The following ANKRD6 variants were observed in gnomAD, a reference collection of about 807,000 sequenced individuals.
The protein encoded by ANKRD6 is ankyrin repeat domain 6.
ANKRD6 carries 56 observed loss-of-function variants against 82.3 expected under a neutral mutation model. That is an observed-to-expected ratio of 0.68 (90% CI 0.55 to 0.85). The LOEUF is 0.85. Ranked by LOEUF, ANKRD6 falls within the 40% of genes least tolerant of loss-of-function variation. The pLI, the probability that ANKRD6 is intolerant of heterozygous loss-of-function variation, is 0.00. For synonymous variants in ANKRD6, 347 were observed against 352.1 expected (o/e 0.99, Z 0.16); for missense variants, 852 against 907.6 (o/e 0.94, Z 0.79).
At chr6:89,607,709 G>A (rs937664438) in intron 5 of ANKRD6, among the ~76,000 whole-genome samples, 10 of 147,694 alleles carry the variant, frequency 6.8e-5, no homozygotes, top group African/African-American at 2.5e-4. Flanking sequence ...AGGCTGGAGT[G>A]CAATGGCACA....
At chr6:89,541,959 T>C (rs1784496938) in intron 1 of ANKRD6, among the ~76,000 whole-genome samples, 1 of 151,986 alleles carries the variant, frequency 6.6e-6, no homozygotes, top group Non-Finnish European at 1.5e-5. Context: ...GTGTATAGCT[T>C]TCCTAATTTT....
chr6:89,532,634 C>T (rs1428267338), intron 1 of ANKRD6, among the ~76,000 whole-genome samples: 1 of 152,174 alleles, frequency 6.6e-6, no homozygotes, highest in African/African-American at 2.4e-5. Flanking sequence ...CTGACACTTC[C>T]CTGCTGCTCA....
intron 3 of ANKRD6, chr6:89,597,977 G>T (rs113913280): frequency 2.9e-4 from 115 of 394,016 alleles, no homozygotes; most frequent in African/African-American, 2.1e-3. Flanking sequence ...GTCCTTTAAA[G>T]AATCTAGGAG....
intron 13 of ANKRD6, among the ~76,000 whole-genome samples, chr6:89,626,049 GT>G (rs1374348549): frequency 6.6e-6 from 1 of 152,042 alleles, no homozygotes. Context: ...TTTTAAAAAA[GT>G]TTTTGCCAAA....
chr6:89,622,230 G>A (rs751303699), intron 10 of ANKRD6, among the ~76,000 whole-genome samples: 19 of 152,198 alleles, frequency 1.2e-4, no homozygotes, highest in South Asian at 4.2e-4. Context: ...ATGTGCCTCC[G>A]TGTGCGCTGC....
rs908606505 is a variant in ANKRD6 at position 89,438,636 on chromosome 6, G to A, written c.-144+5261G>A. Among the ~76,000 whole-genome samples the A allele has an allele frequency of 3.3e-5, 5 of 152,086 alleles. 1 individual carries two copies. Among genetic ancestry groups the A allele is most frequent in the South Asian group, 4.1e-4 (2 of 4,826 alleles). ...GTCAATTAAGTGTAACTGCCTTTATGTAATTTATTTCTAACTTTTTTTTTT... is the reference window on the plus strand; with the variant it reads ...GTCAATTAAGTGTAACTGCCTTTATATAATTTATTTCTAACTTTTTTTTTT... On this transcript the variant is annotated intron_variant, in intron 1 of 15. Transcript: ENST00000339746.
intron 1 of ANKRD6, among the ~76,000 whole-genome samples, chr6:89,518,382 A>G (rs1448304093): frequency 6.6e-6 from 1 of 151,828 alleles, no homozygotes; most frequent in East Asian, 1.9e-4. Flanking sequence ...ACCCTGGGCA[A>G]CAAGAGTAAG....
chr6:89,437,766 A>C (rs1055917561), intron 1 of ANKRD6, among the ~76,000 whole-genome samples: 2 of 152,218 alleles, frequency 1.3e-5, no homozygotes, highest in Non-Finnish European at 2.9e-5. Flanking sequence ...CTTAATAAGT[A>C]GGTCTCTACT....
At chr6:89,434,467 A>T (rs1770369661) in intron 1 of ANKRD6, among the ~76,000 whole-genome samples, 1 of 152,164 alleles carries the variant, frequency 6.6e-6, no homozygotes. Context: ...CCAAAACACC[A>T]ATAGCAGCCT....
intron 1 of ANKRD6, among the ~76,000 whole-genome samples, chr6:89,471,065 A>C (rs902194367): frequency 6.6e-6 from 1 of 152,072 alleles, no homozygotes; most frequent in African/African-American, 2.4e-5. Context: ...GCACACACTT[A>C]TGTGTTTTCC....
At position 89,448,885 on chromosome 6, in the gene ANKRD6, C is replaced by T. The variant is rs374659161; in HGVS notation, c.-144+15510C>T. ...TTCTACTAAAAATACAAAAAATTAG[C>T]CGGGCGTGTTGGCGGGCGCCTGTAG... is the stretch of plus-strand genomic sequence containing the variant. On this transcript the variant is annotated intron_variant, in intron 1 of 15. Transcript: ENST00000339746. 2.4e-3 allele frequency among the ~76,000 whole-genome samples: 360 copies of T among 151,720 alleles called. 1 individual carries two copies. The highest frequency in any genetic ancestry group is 8.3e-3 in the African/African-American group (343 of 41,370).
At chr6:89,627,844 G>A in intron 14 of ANKRD6, 148 bp downstream of exon 14, 1 of 647,088 alleles carries the variant, frequency 1.5e-6, no homozygotes, top group Middle Eastern at 4.2e-4. Context: ...ATACTGAAAT[G>A]AGGTTAATAG....
intron 1 of ANKRD6, among the ~76,000 whole-genome samples, chr6:89,446,130 A>T (rs1397292264): frequency 2.0e-5 from 3 of 151,790 alleles, no homozygotes; most frequent in African/African-American, 7.2e-5. Context: ...AGGCAGGCGA[A>T]TCACCTGAGG....
At chr6:89,533,290 G>T (rs1783409723) in intron 1 of ANKRD6, among the ~76,000 whole-genome samples, 1 of 152,160 alleles carries the variant, frequency 6.6e-6, no homozygotes, top group Non-Finnish European at 1.5e-5. Context: ...ATAGACTGAG[G>T]CCCGGAGAGG....
intron 1 of ANKRD6, among the ~76,000 whole-genome samples, chr6:89,508,492 G>A (rs1310432779): frequency 6.6e-6 from 1 of 152,200 alleles, no homozygotes; most frequent in Non-Finnish European, 1.5e-5. Flanking sequence ...CATATGAAGT[G>A]TAAAGCAGAA....
At chr6:89,443,530 G>GCTTTCA (rs1306958726) in intron 1 of ANKRD6, among the ~76,000 whole-genome samples, 1 of 152,138 alleles carries the variant, frequency 6.6e-6, no homozygotes, top group African/African-American at 2.4e-5. Context: ...GCAGAGGTGT[G>GCTTTCA]ATCATGGTTC....
At chr6:89,442,955 A>G (rs934957927) in intron 1 of ANKRD6, among the ~76,000 whole-genome samples, 3 of 152,182 alleles carry the variant, frequency 2.0e-5, no homozygotes, top group African/African-American at 7.2e-5. Context: ...AGTTATGTTA[A>G]TAGAGACTCT....
At chr6:89,528,396 A>T (rs1392025819) in intron 1 of ANKRD6, among the ~76,000 whole-genome samples, 2 of 152,176 alleles carry the variant, frequency 1.3e-5, no homozygotes. Context: ...GTAAGAAGGA[A>T]CTCCTCATTC....
At chr6:89,621,464 ACACAGTTTGGC>A (rs1261019362) in intron 9 of ANKRD6, 2 of 170,620 alleles carry the variant, frequency 1.2e-5, no homozygotes, top group African/African-American at 4.8e-5. Flanking sequence ...TGTGACTTGG[ACACAGTTTGGC>A]CAAGGGAACA....
Sources: gnomAD v4.1 joint callset for allele counts (sites outside exome capture counted in the v4.1 genomes callset) on GRCh38, gnomAD v4.1.1 for gene constraint, MANE v1.5 for transcripts, NCBI Gene and HGNC (gene_info 2026-07-23, HGNC 2026-07-21) for gene names.